Variants in LMO7 observed in about 807,000 individuals in gnomAD.
LMO7 encodes the protein LIM domain 7.
In LMO7, 120 loss-of-function variants were observed where a neutral mutation model predicts 206.5. The observed-to-expected ratio is 0.58, with a 90% confidence interval of 0.50 to 0.68. The LOEUF is 0.68. Ranked by LOEUF, LMO7 falls within the 30% of genes least tolerant of loss-of-function variation. The pLI, the probability that LMO7 is intolerant of heterozygous loss-of-function variation, is 0.00. For missense variants in LMO7, 1,959 were observed against 1,957.9 expected, an observed-to-expected ratio of 1.00 and a Z score of -0.01; for synonymous variants, 706 against 681.5, an observed-to-expected ratio of 1.04 and a Z score of -0.56.
chr13:75,670,914 A>G (rs1404105031), intron 1 of LMO7, among the ~76,000 whole-genome samples: 1 of 132,346 alleles, frequency 7.6e-6, no homozygotes, highest in African/African-American at 2.8e-5. Flanking sequence ...GTACAAAAAT[A>G]TTTTCTTTCT....
chr13:75,849,383 G>C, intron 27 of LMO7, 91 bp downstream of exon 27: 2 of 999,302 alleles, frequency 2.0e-6, no homozygotes, highest in South Asian at 2.9e-5. Flanking sequence ...CAGAAGAGAT[G>C]AAAGGAACAT....
At chr13:75,652,584 AG>A (rs1167156651) in intron 1 of LMO7, among the ~76,000 whole-genome samples, 2 of 151,698 alleles carry the variant, frequency 1.3e-5, no homozygotes, top group Non-Finnish European at 2.9e-5. Flanking sequence ...AGAAATGCAT[AG>A]CCAGTTCATT....
chr13:75,730,964 T>C (rs1429043938), intron 3 of LMO7, among the ~76,000 whole-genome samples: 2 of 151,396 alleles, frequency 1.3e-5, no homozygotes, highest in African/African-American at 2.4e-5. Context: ...AATCCTGAGT[T>C]CTAGTTTGAT....
intron 30 of LMO7, 73 bp downstream of exon 30, chr13:75,856,681 C>T: frequency 2.3e-6 from 2 of 860,902 alleles, no homozygotes; most frequent in South Asian, 2.7e-5. Flanking sequence ...TTTCCCTGAA[C>T]CTGCAGCGAG....
chr13:75,820,889 C>T lies in LMO7; in HGVS notation c.2208-288C>T, dbSNP rs369464923. On this transcript the variant is annotated intron_variant, in intron 13 of 30. Coordinates refer to ENST00000377534, the MANE Select transcript of LMO7 (RefSeq NM_001306080.2). ...GCGCATGCCCGTAATCCCAGCTACT[C>T]GGGAGGCTGAGTCAGGAGAATTGCT... Among the ~76,000 whole-genome samples, 24 of 151,552 alleles carry T rather than the reference C, an allele frequency of 1.6e-4. 1 individual carries two copies. Among genetic ancestry groups the T allele is most frequent in the African/African-American group, 5.8e-4 (24 of 41,218 alleles).
intron 7 of LMO7, among the ~76,000 whole-genome samples, chr13:75,802,561 C>A (rs556514256): frequency 6.6e-6 from 1 of 152,352 alleles, no homozygotes; most frequent in African/African-American, 2.4e-5. Context: ...CAGTGGCCCA[C>A]CCAGCGGTGT....
At chr13:75,859,870 A>T (rs187482137), downstream of LMO7, 1 of 152,162 alleles carries the variant, frequency 6.6e-6, no homozygotes, top group East Asian at 1.9e-4. Flanking sequence ...ACCACTATCA[A>T]TTTCTGCCTT....
At chr13:75,701,955 T>C (rs1353440403) in intron 1 of LMO7, among the ~76,000 whole-genome samples, 1 of 152,214 alleles carries the variant, frequency 6.6e-6, no homozygotes, top group Non-Finnish European at 1.5e-5. Context: ...CTTCCCTGTT[T>C]TATTTAGTTT....
intron 16 of LMO7, 82 bp downstream of exon 16, chr13:75,833,247 G>T (rs745781023): frequency 3.6e-6 from 3 of 838,602 alleles, no homozygotes; most frequent in Non-Finnish European, 6.2e-6. Context: ...AGAAATTAGT[G>T]TATTTGATAT....
chr13:75,690,226 C>T (rs957253659), intron 1 of LMO7, among the ~76,000 whole-genome samples: 5 of 152,096 alleles, frequency 3.3e-5, no homozygotes, highest in Admixed American at 6.6e-5. Flanking sequence ...GTGGCCTCCA[C>T]ATAGCCTGAG....
chr13:75,656,315 A>G (rs1050453420), intron 1 of LMO7, among the ~76,000 whole-genome samples: 45 of 152,184 alleles, frequency 3.0e-4, no homozygotes, highest in African/African-American at 1.0e-3. Flanking sequence ...GGGAGAGGAA[A>G]GAAGATTGCA....
intron 25 of LMO7, among the ~76,000 whole-genome samples, chr13:75,844,086 T>G (rs1295954587): frequency 6.6e-6 from 1 of 152,152 alleles, no homozygotes; most frequent in Non-Finnish European, 1.5e-5. Flanking sequence ...GCTCATGACC[T>G]TGGGGAAAAT....
intron 1 of LMO7, among the ~76,000 whole-genome samples, chr13:75,702,775 A>ATG (rs2042365823): frequency 6.6e-6 from 1 of 152,226 alleles, no homozygotes; most frequent in Non-Finnish European, 1.5e-5. Context: ...CATGTCAGGT[A>ATG]TGTATATAGC....
In LMO7 at chr13:75,819,478, A is replaced by G. The variant is rs776561433; in HGVS notation, c.2150A>G (p.Gln717Arg). 1.1e-5 allele frequency: 18 copies of G among 1,613,434 alleles called. No individual in the cohort carries two copies. The South Asian group carries it at 1.9e-4, about 17-fold the overall frequency. ...KKEEREEIEK[Q>R]ALEKSKRSSK... The stretch of plus-strand genomic sequence containing the variant: ...GAAGAGAGAGAAGAAATTGAAAAGC[A>G]GGCACTTGAGAAGTCTAAGAGAAGC... Residue 717 changes from glutamine (Q) to arginine (R), a missense_variant, in exon 13 of 31, where the codon CAG (glutamine) becomes CGG (arginine). Coordinates refer to ENST00000377534, the MANE Select transcript of LMO7 (RefSeq NM_001306080.2).
chr13:75,668,917 A>C (rs562121629), intron 1 of LMO7, among the ~76,000 whole-genome samples: 5 of 152,304 alleles, frequency 3.3e-5, no homozygotes, highest in African/African-American at 1.2e-4. Context: ...TGAAGTAAGA[A>C]TTGTAGAGGT....
rs111357027 is a variant in LMO7 at position 75,733,956 on chromosome 13, A to C, written c.210+6858A>C. Among the ~76,000 whole-genome samples, 413 of 152,300 alleles carry C rather than the reference A, an allele frequency of 2.7e-3. 3 individuals carry two copies. The highest frequency in any genetic ancestry group is 9.7e-3 in the African/African-American group (405 of 41,558). On this transcript the variant is annotated intron_variant, in intron 3 of 30. Transcript: ENST00000377534. ...TGGTGGCCCAGACTGCGAGATGTGC[A>C]CCAGTTGTTATGTTTCTGCCACATG...
At chr13:75,698,718 T>C (rs1361489869) in intron 1 of LMO7, among the ~76,000 whole-genome samples, 1 of 152,106 alleles carries the variant, frequency 6.6e-6, no homozygotes, top group Non-Finnish European at 1.5e-5. Context: ...CGAAAGGTCT[T>C]TGTAACTATC....
intron 9 of LMO7, chr13:75,806,252 A>T (rs1175979669): frequency 1.0e-6 from 1 of 990,170 alleles, no homozygotes; most frequent in Non-Finnish European, 1.2e-6. Context: ...AGTGCTTCGG[A>T]TGAGCCCAGG....
At chr13:75,683,594 A>C (rs1307994835) in intron 1 of LMO7, among the ~76,000 whole-genome samples, 1 of 152,192 alleles carries the variant, frequency 6.6e-6, no homozygotes, top group East Asian at 1.9e-4. Flanking sequence ...CCTTGGCAAT[A>C]TGAAGTGTGA....
Sources: gnomAD v4.1 joint callset for allele counts (sites outside exome capture counted in the v4.1 genomes callset) on GRCh38, gnomAD v4.1.1 for gene constraint, MANE v1.5 for transcripts, NCBI Gene and HGNC (gene_info 2026-07-23, HGNC 2026-07-21) for gene names.